Variants in GPD2 observed in about 807,000 individuals in gnomAD.
The protein encoded by GPD2 is glycerol-3-phosphate dehydrogenase, mitochondrial.
A neutral mutation model predicts 82.4 loss-of-function variants in GPD2; 54 were observed. The ratio of observed to expected loss-of-function variants is 0.66; its 90% confidence interval spans 0.53 to 0.82. The LOEUF (loss-of-function observed/expected upper bound fraction) is 0.82, where lower values mean the gene tolerates loss of function less well. GPD2 is among the 40% of genes least tolerant of loss of function. The probability of loss-of-function intolerance (pLI) is 0.00; values close to 1 mark genes in which losing one functional copy is unlikely to be tolerated. For missense variants in GPD2, 748 were observed against 896.2 expected (o/e 0.83, Z 2.11); for synonymous variants, 288 against 306.1 (o/e 0.94, Z 0.62).
rs187749665 is a variant in GPD2, at chr2:156,537,225, C to T, written c.662-12383C>T. Among the ~76,000 whole-genome samples, 96 of 152,218 alleles carry T rather than the reference C, an allele frequency of 6.3e-4. 3 individuals are homozygous for T. The East Asian group carries it at 0.017, about 27-fold the overall frequency. ...GCTCCCTGTATAATGCCAGGGGCTG[C>T]CAGGATTGACTTAGGATTGACTCAG... On this transcript the variant is annotated intron_variant, in intron 6 of 16. Coordinates refer to ENST00000438166, the MANE Select transcript of GPD2 (RefSeq NM_000408.5).
chr2:156,528,595 C>G (rs1045577720), intron 6 of GPD2, among the ~76,000 whole-genome samples: 6 of 120,542 alleles, frequency 5.0e-5, no homozygotes, highest in Middle Eastern at 4.7e-3. Flanking sequence ...CCCCTCCCCC[C>G]ACCCCACAAC....
chr2:156,547,329 ACT>A lies in GPD2; in HGVS notation c.662-2278_662-2277del, dbSNP rs1355356348. Among the ~76,000 whole-genome samples the A allele has an allele frequency of 3.9e-5, 6 of 152,328 alleles. No homozygotes were observed. In the South Asian group the frequency reaches 1.2e-3, roughly 32 times the overall value. ...TCTGCATCCCTCCAGGAGATGCAGA[ACT>A]AGACATTTGAACTCGATCATGAGAG... is the stretch of plus-strand genomic sequence containing the variant. On this transcript the variant is annotated intron_variant, in intron 6 of 16. Transcript: ENST00000438166.
intron 1 of GPD2, among the ~76,000 whole-genome samples, chr2:156,473,902 C>T (rs991954085): frequency 6.6e-6 from 1 of 152,148 alleles, no homozygotes; most frequent in African/African-American, 2.4e-5. Context: ...ATGGTGGCCC[C>T]TAGCCAGCAT....
chr2:156,522,055 A>G (rs2105289268), intron 6 of GPD2, among the ~76,000 whole-genome samples: 1 of 152,106 alleles, frequency 6.6e-6, no homozygotes, highest in Middle Eastern at 3.4e-3. Context: ...ATGTACCCCT[A>G]AGAAACAAAA....
At chr2:156,496,321 T>C (rs1407516458) in intron 3 of GPD2, 106 bp downstream of exon 3, 3 of 742,678 alleles carry the variant, frequency 4.0e-6, no homozygotes, top group Non-Finnish European at 4.6e-6. Flanking sequence ...TTGCTGCACC[T>C]ATCAACCCAT....
chr2:156,557,352 G>A, intron 8 of GPD2, 37 bp from the exon 9 acceptor site: 1 of 1,303,806 alleles, frequency 7.7e-7, no homozygotes, highest in Non-Finnish European at 1.1e-6. Flanking sequence ...AAACTTCTGG[G>A]ATTTTCAGAA....
intron 4 of GPD2, 37 bp downstream of exon 4, chr2:156,510,957 A>G (rs762230381): frequency 3.1e-6 from 5 of 1,601,756 alleles, no homozygotes; most frequent in Non-Finnish European, 4.3e-6. Flanking sequence ...AAAAATTGCA[A>G]CTGTGCTTTT....
Position 156,557,395 on chromosome 2 carries a change from G to A in GPD2, c.978G>A (p.Glu326=), listed in dbSNP as rs908811772. 4 of 1,590,970 alleles carry A rather than the reference G, an allele frequency of 2.5e-6. No homozygotes were observed. The highest frequency in any genetic ancestry group is 3.5e-6 in the Non-Finnish European group (4 of 1,159,390). ...ATCCTTCTTTGTATCTCAGCCCAGAGAGCATGGGACTTCTTGACCCAGCGA... is the reference window on the plus strand; with the variant it reads ...ATCCTTCTTTGTATCTCAGCCCAGAAAGCATGGGACTTCTTGACCCAGCGA... ...HIVMPGYYSP[E]SMGLLDPATS... The change falls in exon 9 of 17, where the codon GAG becomes GAA. Residue 326 remains glutamate, a synonymous_variant. Coordinates refer to ENST00000438166, the MANE Select transcript of GPD2 (RefSeq NM_000408.5).
chr2:156,536,685 A>G (rs929390434), intron 6 of GPD2, among the ~76,000 whole-genome samples: 1 of 152,210 alleles, frequency 6.6e-6, no homozygotes, highest in Admixed American at 6.5e-5. Flanking sequence ...ACCAGCAACA[A>G]GTAGGGCTCA....
intron 6 of GPD2, among the ~76,000 whole-genome samples, chr2:156,528,407 TTTC>T (rs1237975682): frequency 6.6e-6 from 1 of 151,492 alleles, no homozygotes; most frequent in East Asian, 1.9e-4. Context: ...TGTCAATTTT[TTTC>T]TTTTTTTCTT....
chr2:156,582,990 A>T lies in GPD2; in HGVS notation c.*72A>T. ...ACCATGTAACAACCAGAGATGACTG[A>T]AACCACTCTGAAATAATGAATGTGG... is the stretch of plus-strand genomic sequence containing the variant. On this transcript the variant is annotated 3_prime_UTR_variant, in exon 17 of 17. Transcript: ENST00000438166. 6.6e-7 allele frequency: 1 copy of T among 1,508,090 alleles called. No homozygotes were observed. The highest frequency in any genetic ancestry group is 9.2e-7 in the Non-Finnish European group (1 of 1,085,978). The allele number at this position is 1,508,090 out of a possible 1,614,324, so 93.4% of individuals were successfully genotyped here. A position where few individuals can be genotyped will look rare whatever the true frequency, so the allele number is the denominator to read the frequency against.
At chr2:156,509,765 C>CTTTTTTTTTTT (rs60361072) in intron 3 of GPD2, among the ~76,000 whole-genome samples, 23 of 117,374 alleles carry the variant, frequency 2.0e-4, no homozygotes, top group Non-Finnish European at 2.3e-4. Flanking sequence ...ATATGTTCTT[C>CTTTTTTTTTTT]TTTTTTTTTT....
intron 6 of GPD2, among the ~76,000 whole-genome samples, chr2:156,515,161 CT>C (rs1685153600): frequency 6.6e-6 from 1 of 151,972 alleles, no homozygotes. Flanking sequence ...ACCTGTAATC[CT>C]AGCACTTTAA....
chr2:156,498,506 G>C (rs1573933069), intron 3 of GPD2, among the ~76,000 whole-genome samples: 1 of 152,286 alleles, frequency 6.6e-6, no homozygotes, highest in South Asian at 2.1e-4. Context: ...GAACAGCGTG[G>C]AATCAGTGTA....
intron 5 of GPD2, among the ~76,000 whole-genome samples, chr2:156,512,524 A>C (rs1300683013): frequency 6.6e-6 from 1 of 152,164 alleles, no homozygotes; most frequent in Non-Finnish European, 1.5e-5. Context: ...CTAGATTTTA[A>C]AGGCAAAGGA....
At chr2:156,443,478 C>G (rs1407549971) in intron 1 of GPD2, among the ~76,000 whole-genome samples, 1 of 152,146 alleles carries the variant, frequency 6.6e-6, no homozygotes, top group East Asian at 1.9e-4. Context: ...TGATTGGACA[C>G]CAGATACCAC....
Position 156,510,812 on chromosome 2 carries a change from T to C in GPD2, c.291T>C (p.Leu97=), listed in dbSNP as rs767133297. 6.2e-7 allele frequency: 1 copy of C among 1,613,302 alleles called. No homozygotes were observed. The highest frequency in any genetic ancestry group is 8.5e-7 in the Non-Finnish European group (1 of 1,179,284). ...GTTACACAGGACTAAAAACAGCCCT[T>C]GTAGAAAGAGATGATTTCTCATCAG... ...DAVTRGLKTA[L]VERDDFSSGT... is the part of the protein sequence containing the mutation. The change falls in exon 4 of 17, where the codon CTT becomes CTC. Residue 97 remains leucine (L), a synonymous_variant. Transcript: ENST00000438166.
At position 156,513,509 on chromosome 2, in the gene GPD2, T is replaced by C. The variant is rs776811209; in HGVS notation, c.661+13T>C. On this transcript the variant is annotated intron_variant, in intron 6 of 16. Coordinates refer to ENST00000438166, the MANE Select transcript of GPD2 (RefSeq NM_000408.5). Reference sequence around the variant, plus strand: ...GTCTACTATGACGGTATGTGATGTTTTTTTTTTTTTTCCTCACAAGATACT... The same window carrying C: ...GTCTACTATGACGGTATGTGATGTTCTTTTTTTTTTTCCTCACAAGATACT... The C allele has an allele frequency of 6.3e-7, 1 of 1,582,912 alleles. No homozygotes were observed. The highest frequency in any genetic ancestry group is 1.1e-5 in the South Asian group (1 of 90,156).
intron 6 of GPD2, among the ~76,000 whole-genome samples, chr2:156,523,642 C>T (rs1365418009): frequency 6.6e-6 from 1 of 151,758 alleles, no homozygotes; most frequent in Admixed American, 6.6e-5. Context: ...CACAGCCACA[C>T]CTAAATTGTT....
Sources: allele counts gnomAD v4.1 joint callset (sites outside exome capture counted in the v4.1 genomes callset), GRCh38; gene constraint gnomAD v4.1.1; transcripts MANE v1.5; gene names NCBI Gene and HGNC (gene_info 2026-07-23, HGNC 2026-07-21).